FDXR: variants seen among roughly 807,000 people sequenced by gnomAD.
FDXR encodes the protein NADPH:adrenodoxin oxidoreductase, mitochondrial.
A neutral mutation model predicts 58.3 loss-of-function variants in FDXR; 38 were observed. The ratio of observed to expected loss-of-function variants is 0.65; its 90% CI spans 0.50 to 0.85. FDXR has a LOEUF of 0.85. Among genes scored for constraint, FDXR ranks in the 40% least tolerant of loss-of-function variants. The pLI is 0.00. For synonymous variants in FDXR, 275 were observed against 273.8 expected, an observed-to-expected ratio of 1.00 and a Z score of -0.04; for missense variants, 624 against 671.0, an observed-to-expected ratio of 0.93 and a Z score of 0.77.
At position 74,864,285 on chromosome 17, in the gene FDXR, C is replaced by T; in HGVS notation, c.865G>A (p.Gly289Arg). The T allele has an allele frequency of 2.5e-6, 4 of 1,594,712 alleles. No individual in the cohort carries two copies. The highest frequency in any genetic ancestry group is 3.4e-6 in the Non-Finnish European group (4 of 1,167,548). The change falls in exon 9 of 12, where the codon GGG (glycine) becomes AGG (arginine). Residue 289 changes from glycine to arginine, a missense_variant. By Grantham distance (125) the Gly-to-Arg change is moderately radical. Coordinates refer to ENST00000293195, the MANE Select transcript of FDXR (RefSeq NM_024417.5). ...GCCTGGCGGGCAGCTTCCGCCGGCC[C>T]TGGCTTCTCTGTGGCCGTTCGAAGC... The part of the protein sequence containing the change: ...LLLRTATEKP[G>R]PAEAARQASA...
chr17:74,863,977 G>C lies in FDXR; in HGVS notation c.1093C>G (p.Arg365Gly). 1 of 1,614,066 alleles carries C rather than the reference G, an allele frequency of 6.2e-7. No individual in the cohort carries two copies. Among genetic ancestry groups the C allele is most frequent in the Non-Finnish European group, 8.5e-7 (1 of 1,180,036 alleles). ...AAGGGCACGCTTGGGTCGACAGGGC[G>C]GCTCTTATACCCAATGCTGCTGAGC... Reference protein sequence around the residue: ...LVLSSIGYKSRPVDPSVPFDS... With the variant: ...LVLSSIGYKSGPVDPSVPFDS... Residue 365 changes from arginine to glycine, a missense_variant, in exon 10 of 12, where the codon CGC becomes GGC. Arg to Gly is a moderately radical substitution (Grantham distance 125). Transcript: ENST00000293195.
Position 74,872,925 on chromosome 17 carries a change from C to G in FDXR, c.20G>C (p.Arg7Pro). 4 of 1,556,134 alleles carry G rather than the reference C, an allele frequency of 2.6e-6. No individual in the cohort carries two copies. Among genetic ancestry groups the G allele is most frequent in the African/African-American group, 1.4e-5 (1 of 73,866 alleles). ...AGGCCACGCCGACCAGCCCCACCAG[C>G]GCCAGCAGCGCGAAGCCATGGCTGG... is the stretch of plus-strand genomic sequence containing the variant. MASRCW[R>P]WWGWSAWPRT... is the part of the protein sequence containing the mutation. Residue 7 changes from arginine to proline, a missense_variant, in exon 1 of 12, where the codon CGC (arginine) becomes CCC (proline). Arg to Pro is a moderately radical substitution (Grantham distance 103, BLOSUM62 -2). Coordinates refer to ENST00000293195, the MANE Select transcript of FDXR (RefSeq NM_024417.5).
intron 2 of FDXR, 66 bp from the exon 3 acceptor site, chr17:74,866,942 C>T (rs1269031259): frequency 6.3e-7 from 1 of 1,575,122 alleles, no homozygotes; most frequent in Non-Finnish European, 8.6e-7. Flanking sequence ...CCCAGGTCCT[C>T]CCCTTCCCCA....
At position 74,872,956 on chromosome 17, in the gene FDXR, G is replaced by A. The variant is rs1201776409; in HGVS notation, c.-12C>T. ...CAGCGCGAAGCCATGGCTGGGAGCA[G>A]CAACCTGCAAGTGGATCTGTTCCTA... On this transcript the variant is annotated 5_prime_UTR_variant, in exon 1 of 12. Coordinates refer to ENST00000293195, the MANE Select transcript of FDXR (RefSeq NM_024417.5). The A allele has an allele frequency of 3.2e-6, 5 of 1,550,246 alleles. No individual in the cohort carries two copies. The highest frequency in any genetic ancestry group is 1.4e-5 in the African/African-American group (1 of 73,376).
In FDXR at chr17:74,864,053, GGCCT is replaced by G. The variant is rs1400074882; in HGVS notation, c.1013_1016del (p.Glu338AlafsTer61). On this transcript the variant is annotated frameshift_variant, in exon 10 of 12. Transcript: ENST00000293195. LOFTEE classifies it high-confidence loss of function. ...TGTCTCCCGTGGGCACTGCACGGGT[GGCCT>G]CATCGACACCCTGTTGGGGAGAGTG... 2.5e-6 allele frequency: 4 copies of G among 1,613,934 alleles called. No homozygotes were observed. The South Asian group carries it at 4.4e-5, about 18-fold the overall frequency.
chr17:74,869,777 C>T (rs1448398726), intron 2 of FDXR, among the ~76,000 whole-genome samples: 1 of 152,204 alleles, frequency 6.6e-6, no homozygotes, highest in East Asian at 1.9e-4. Flanking sequence ...CTGTCCTGTT[C>T]ACCCCCATGT....
In FDXR at chr17:74,872,115, G is replaced by C. The variant is rs773771601; in HGVS notation, c.98C>G (p.Ser33Cys). 3.7e-6 allele frequency: 6 copies of C among 1,606,256 alleles called. No individual in the cohort carries two copies. The highest frequency in any genetic ancestry group is 5.1e-6 in the Non-Finnish European group (6 of 1,176,094). Residue 33 changes from serine (S) to cysteine (C), a missense_variant, in exon 2 of 12, where the codon TCC (serine) becomes TGC (cysteine). Ser to Cys is a moderately radical substitution (Grantham distance 112, BLOSUM62 -1). Transcript: ENST00000293195. ...GATCTGGGGGGTCTTCTCCTGTGTG[G>C]AGAAATGGTGGCAGAAGCCTGGGGC... is the stretch of plus-strand genomic sequence containing the variant. Reference protein sequence around the residue: ...GSTPSFCHHFSTQEKTPQICV... With the variant: ...GSTPSFCHHFCTQEKTPQICV...
At position 74,866,575 on chromosome 17, in the gene FDXR, G is replaced by C. The variant is rs376876971; in HGVS notation, c.271-7C>G. Reference sequence around the variant, plus strand: ...TAAATGTGTTGATGACATTCTGCCAGGTCCCCCGGGAATGGGAGGGGTTAG... The same window carrying C: ...TAAATGTGTTGATGACATTCTGCCACGTCCCCCGGGAATGGGAGGGGTTAG... On this transcript the variant is annotated splice_polypyrimidine_tract_variant and splice_region_variant and intron_variant, in intron 3 of 11. Coordinates refer to ENST00000293195, the MANE Select transcript of FDXR (RefSeq NM_024417.5). 1.3e-5 allele frequency: 21 copies of C among 1,613,408 alleles called. No individual in the cohort carries two copies. In the African/African-American group the frequency reaches 2.4e-4, roughly 18 times the overall value.
intron 2 of FDXR, among the ~76,000 whole-genome samples, chr17:74,869,621 C>T (rs1377586142): frequency 6.6e-6 from 1 of 152,152 alleles, no homozygotes; most frequent in Non-Finnish European, 1.5e-5. Context: ...GCAATTGGGA[C>T]ATCTCTCCCT....
Position 74,866,764 on chromosome 17 carries a change from C to G in FDXR, c.270+20G>C. 2.5e-6 allele frequency: 4 copies of G among 1,613,524 alleles called. No individual in the cohort carries two copies. Among genetic ancestry groups the G allele is most frequent in the Non-Finnish European group, 3.4e-6 (4 of 1,179,644 alleles). On this transcript the variant is annotated intron_variant, in intron 3 of 11. Transcript: ENST00000293195. ...GACCAAAGTCTCCAAACCCCAGCCT[C>G]CAGGCCCAGAGACACCCACCTTCAC...
At chr17:74,865,962 C>T (rs1255333118) in intron 5 of FDXR, 142 bp from the exon 6 acceptor site, 1 of 845,912 alleles carries the variant, frequency 1.2e-6, no homozygotes, top group African/African-American at 1.7e-5. Flanking sequence ...TCCCTCCTCC[C>T]CCACCTGGAC....
chr17:74,868,311 GA>G, intron 2 of FDXR: 3 of 606,238 alleles, frequency 4.9e-6, no homozygotes, highest in South Asian at 3.9e-5. Flanking sequence ...GTGCACTGGG[GA>G]AAGTTTCTTC....
At chr17:74,866,021 C>T in intron 5 of FDXR, 110 bp downstream of exon 5, 1 of 975,152 alleles carries the variant, frequency 1.0e-6, no homozygotes, top group South Asian at 1.5e-5. Flanking sequence ...CCTCAGTCAG[C>T]ACAATGTCAC....
At chr17:74,866,736 C>T (rs1567913757) in intron 3 of FDXR, 48 bp downstream of exon 3, 1 of 1,609,214 alleles carries the variant, frequency 6.2e-7, no homozygotes, top group Non-Finnish European at 8.5e-7. Flanking sequence ...CCCTCCTCAT[C>T]TTGACCAAAG....
In FDXR at chr17:74,865,815, C is replaced by G. The variant is rs1260467008; in HGVS notation, c.513G>C (p.Glu171Asp). Residue 171 changes from glutamate (E) to aspartate (D), a missense_variant, in exon 6 of 12, where the codon GAG becomes GAC. Coordinates refer to ENST00000293195, the MANE Select transcript of FDXR (RefSeq NM_024417.5). Reference sequence around the variant, plus strand: ...CGGCTGTGTCACAGCTCAGGTCTGGCTCCAGCTGGAGGGGAAAGGTCTTGA... The same window carrying G: ...CGGCTGTGTCACAGCTCAGGTCTGGGTCCAGCTGGAGGGGAAAGGTCTTGA... ...YNGLPENQEL[E>D]PDLSCDTAVI... is the part of the protein sequence containing the mutation. 1.2e-6 allele frequency: 2 copies of G among 1,612,834 alleles called. No individual in the cohort carries two copies. The highest frequency in any genetic ancestry group is 1.7e-6 in the Non-Finnish European group (2 of 1,179,536).
chr17:74,863,955 G>T lies in FDXR; in HGVS notation c.1115C>A (p.Pro372His), dbSNP rs189445112. 79 of 1,613,934 alleles carry T rather than the reference G, an allele frequency of 4.9e-5. No homozygotes were observed. The highest frequency in any genetic ancestry group is 6.2e-5 in the Non-Finnish European group (73 of 1,180,022). ...YKSRPVDPSV[P>H]FDSKLGVIPN... ...GATGACCCCAAGCTTGGAGTCAAAG[G>T]GCACGCTTGGGTCGACAGGGCGGCT... Residue 372 changes from proline to histidine, a missense_variant, in exon 10 of 12, where the codon CCC becomes CAC. Transcript: ENST00000293195.
chr17:74,868,619 C>A, intron 2 of FDXR: 1 of 1,535,706 alleles, frequency 6.5e-7, no homozygotes, highest in Non-Finnish European at 8.7e-7. Context: ...TCCAGGGCCA[C>A]CTCCGGAACG....
At chr17:74,865,020 A>T in intron 6 of FDXR, 89 bp from the exon 7 acceptor site, 1 of 1,589,956 alleles carries the variant, frequency 6.3e-7, no homozygotes, top group Non-Finnish European at 8.6e-7. Context: ...GTGGGCCTGG[A>T]GAAGGCTGGC....
At chr17:74,867,622 C>T (rs1353047272) in intron 2 of FDXR, among the ~76,000 whole-genome samples, 2 of 152,060 alleles carry the variant, frequency 1.3e-5, no homozygotes, top group African/African-American at 2.4e-5. Flanking sequence ...TGGGAATTCA[C>T]GGGAAAGAGA....
Sources: allele counts gnomAD v4.1 joint callset (sites outside exome capture counted in the v4.1 genomes callset), GRCh38; gene constraint gnomAD v4.1.1; transcripts MANE v1.5; gene names NCBI Gene and HGNC (gene_info 2026-07-23, HGNC 2026-07-21).